Variants in GPHN observed in about 807,000 individuals in gnomAD.
The protein encoded by GPHN is gephyrin.
GPHN carries 17 observed loss-of-function variants against 95.5 expected under a neutral mutation model. That is an observed-to-expected ratio of 0.18 (90% CI 0.12 to 0.27). GPHN has a LOEUF of 0.27. GPHN is among the 10% of genes least tolerant of loss of function. GPHN has a pLI of 1.00. For synonymous variants in GPHN, 320 were observed against 322.5 expected, an observed-to-expected ratio of 0.99 and a Z score of 0.08; for missense variants, 660 against 978.1, an observed-to-expected ratio of 0.67 and a Z score of 4.34.
At chr14:67,197,730 G>T in the GPHN span, among the ~76,000 whole-genome samples, 1 of 152,118 alleles carries the variant, frequency 6.6e-6, no homozygotes, top group Non-Finnish European at 1.5e-5. Flanking sequence ...GATGAAGAGG[G>T]TACCATCAAT....
intron 9 of GPHN, among the ~76,000 whole-genome samples, chr14:66,994,915 G>A (rs908609106): frequency 6.6e-6 from 1 of 152,076 alleles, no homozygotes; most frequent in African/African-American, 2.4e-5. Flanking sequence ...TTTTAAGATA[G>A]AAGAAAAAGG....
intron 5 of GPHN, among the ~76,000 whole-genome samples, chr14:66,905,166 T>G (rs1428034231): frequency 6.6e-6 from 1 of 152,152 alleles, no homozygotes; most frequent in African/African-American, 2.4e-5. Flanking sequence ...AGCCTATCTT[T>G]GAGCTCACTG....
chr14:66,595,908 A>AT (rs1441585626), intron 1 of GPHN, among the ~76,000 whole-genome samples: 1 of 152,178 alleles, frequency 6.6e-6, no homozygotes, highest in East Asian at 1.9e-4. Flanking sequence ...TCCAGGAAGA[A>AT]TGAGTTATGT....
chr14:67,724,581 C>T, the GPHN span: 12 of 1,612,500 alleles, frequency 7.4e-6, no homozygotes, highest in South Asian at 6.6e-5. Flanking sequence ...CCAGAGAGCT[C>T]GCTAGCCGAG....
intron 8 of GPHN, among the ~76,000 whole-genome samples, chr14:66,959,466 A>G (rs1290069882): frequency 1.3e-5 from 2 of 151,946 alleles, no homozygotes; most frequent in African/African-American, 4.8e-5. Context: ...TGAGCAATGA[A>G]CTCACTCAGT....
the GPHN span, among the ~76,000 whole-genome samples, chr14:67,505,149 G>A: frequency 2.6e-5 from 4 of 152,052 alleles, no homozygotes; most frequent in East Asian, 1.9e-4. Flanking sequence ...AGAAGGATGC[G>A]CATTTTCAAA....
intron 3 of GPHN, among the ~76,000 whole-genome samples, chr14:66,778,338 A>C (rs117997512): frequency 2.0e-5 from 3 of 152,208 alleles, no homozygotes; most frequent in African/African-American, 7.2e-5. Flanking sequence ...CTTTTAGTAC[A>C]TATTTTTCTG....
the GPHN span, among the ~76,000 whole-genome samples, chr14:67,253,494 T>G: frequency 6.6e-6 from 1 of 152,210 alleles, no homozygotes; most frequent in South Asian, 2.1e-4. Flanking sequence ...CAAGAATTAC[T>G]CTGGGGTGTT....
chr14:67,302,587 TAGA>T, the GPHN span: 4 of 1,450,408 alleles, frequency 2.8e-6, no homozygotes, highest in Non-Finnish European at 2.7e-6. Flanking sequence ...TTGACGCAGC[TAGA>T]AGAATAATTG....
At chr14:67,445,055 C>G in the GPHN span, among the ~76,000 whole-genome samples, 1 of 152,176 alleles carries the variant, frequency 6.6e-6, no homozygotes, top group Non-Finnish European at 1.5e-5. Context: ...GCTACCATGC[C>G]TGGCCAAGTT....
At chr14:67,198,984 T>C in the GPHN span, 1 of 704,420 alleles carries the variant, frequency 1.4e-6, no homozygotes, top group Non-Finnish European at 2.6e-6. Flanking sequence ...GCTGCTCAGC[T>C]GATTTCACAG....
At chr14:67,553,573 G>T in the GPHN span, among the ~76,000 whole-genome samples, 1 of 152,166 alleles carries the variant, frequency 6.6e-6, no homozygotes, top group Non-Finnish European at 1.5e-5. Context: ...GAGAGAATCT[G>T]GCTGGTCCAG....
chr14:66,701,927 A>G (rs1378398173), intron 2 of GPHN, among the ~76,000 whole-genome samples: 7 of 152,134 alleles, frequency 4.6e-5, no homozygotes, highest in Non-Finnish European at 8.8e-5. Flanking sequence ...ATCCATCTCT[A>G]TAGCTCCAGG....
At chr14:66,712,461 T>A (rs1256528939) in intron 2 of GPHN, among the ~76,000 whole-genome samples, 1 of 152,206 alleles carries the variant, frequency 6.6e-6, no homozygotes, top group African/African-American at 2.4e-5. Flanking sequence ...TTGTTTAAGT[T>A]CTTTGTAGAT....
intron 8 of GPHN, among the ~76,000 whole-genome samples, chr14:66,961,404 T>C (rs1183543961): frequency 1.3e-5 from 2 of 151,880 alleles, no homozygotes; most frequent in African/African-American, 4.8e-5. Flanking sequence ...AAGGAAAATA[T>C]TGATATATTT....
chr14:67,413,008 C>T, the GPHN span, among the ~76,000 whole-genome samples: 3 of 152,292 alleles, frequency 2.0e-5, no homozygotes, highest in African/African-American at 2.4e-5. Flanking sequence ...AGCAATCCTC[C>T]GGCCTGGGCT....
intron 21 of GPHN, among the ~76,000 whole-genome samples, chr14:67,175,429 T>G (rs1217586282): frequency 6.6e-6 from 1 of 152,126 alleles, no homozygotes; most frequent in Non-Finnish European, 1.5e-5. Flanking sequence ...TTTGTTCCAT[T>G]GGTCTATATA....
chr14:67,516,758 C>T, the GPHN span, among the ~76,000 whole-genome samples: 2 of 152,318 alleles, frequency 1.3e-5, no homozygotes, highest in East Asian at 3.9e-4. Flanking sequence ...AGCCCATCCC[C>T]ATGTATATCG....
chr14:67,360,452 C>T, the GPHN span: 5 of 380,406 alleles, frequency 1.3e-5, no homozygotes, highest in Non-Finnish European at 2.3e-5. Context: ...ACACACATAC[C>T]TCAGGTGACT....
Sources: allele counts gnomAD v4.1 joint callset (sites outside exome capture counted in the v4.1 genomes callset), GRCh38; gene constraint gnomAD v4.1.1; transcripts MANE v1.5; gene names NCBI Gene and HGNC (gene_info 2026-07-23, HGNC 2026-07-21).